The following SIPA1L3 variants were observed in gnomAD, a reference collection of about 807,000 sequenced individuals.
The protein encoded by SIPA1L3 is signal-induced proliferation-associated 1-like protein 3.
SIPA1L3 carries 59 observed loss-of-function variants against 150.1 expected under a neutral mutation model. The ratio of observed to expected loss-of-function variants is 0.39; its 90% CI spans 0.32 to 0.49. SIPA1L3 has a LOEUF of 0.49. Ranked by LOEUF, SIPA1L3 falls within the 20% of genes least tolerant of loss-of-function variation. The pLI is 0.86. For missense variants in SIPA1L3, 2,211 were observed against 2,489.5 expected (o/e 0.89, Z 2.38); for synonymous variants, 1,070 against 1,077.6 (o/e 0.99, Z 0.14).
intron 1 of SIPA1L3, among the ~76,000 whole-genome samples, chr19:37,994,620 G>A (rs1402825259): frequency 6.6e-6 from 1 of 152,206 alleles, no homozygotes; most frequent in Non-Finnish European, 1.5e-5. Context: ...TATACCAAGT[G>A]TTTATCGCTA....
At chr19:38,194,822 G>T (rs529892797) in intron 18 of SIPA1L3, among the ~76,000 whole-genome samples, 1 of 152,170 alleles carries the variant, frequency 6.6e-6, no homozygotes, top group Admixed American at 6.5e-5. Flanking sequence ...AGGCCGAGGC[G>T]GGTGGATCAC....
At chr19:37,948,364 G>C (rs2046731275) in intron 1 of SIPA1L3, among the ~76,000 whole-genome samples, 1 of 152,086 alleles carries the variant, frequency 6.6e-6, no homozygotes, top group Non-Finnish European at 1.5e-5. Flanking sequence ...TACTCGAGAG[G>C]CTGAGGTGGG....
chr19:38,184,046 T>A (rs1411745241), intron 16 of SIPA1L3, among the ~76,000 whole-genome samples: 3 of 152,114 alleles, frequency 2.0e-5, no homozygotes, highest in African/African-American at 7.2e-5. Context: ...GTTTTGTTTT[T>A]CAGTCGGAGG....
Position 38,046,477 on chromosome 19 carries a change from C to A in SIPA1L3, c.-311+17321C>A, listed in dbSNP as rs192499345. On this transcript the variant is annotated intron_variant, in intron 2 of 21. Coordinates refer to ENST00000222345, the MANE Select transcript of SIPA1L3 (RefSeq NM_015073.3). The surrounding 1 kb of genome is among the most constrained non-coding windows in gnomAD (Gnocchi z 5.6). ...CTCATGCCGATCAACGTGCTTCTCT[C>A]GGTTCCCTGTTCTGGGCCCTGCCCT... 8.9e-4 allele frequency among the ~76,000 whole-genome samples: 136 copies of A among 152,256 alleles called. 1 individual carries two copies. Among genetic ancestry groups the A allele is most frequent in the Admixed American group, 8.6e-3 (132 of 15,278 alleles).
rs116825025 is a variant in SIPA1L3, at chr19:38,197,672, G to A, written c.4841-717G>A. Among the ~76,000 whole-genome samples the A allele has an allele frequency of 8.7e-3, 1,305 of 150,438 alleles. 27 individuals are homozygous for A. The highest frequency in any genetic ancestry group is 0.03 in the African/African-American group (1,242 of 40,892). On this transcript the variant is annotated intron_variant, in intron 18 of 21. Transcript: ENST00000222345. Reference sequence around the variant, plus strand: ...TCTGATCCCCCACCCCAGCCTTCCCGATCAGAGCCGCAATCCTGGCCCTTC... The same window carrying A: ...TCTGATCCCCCACCCCAGCCTTCCCAATCAGAGCCGCAATCCTGGCCCTTC...
At chr19:38,181,947 C>G (rs1243013231) in intron 15 of SIPA1L3, among the ~76,000 whole-genome samples, 1 of 151,234 alleles carries the variant, frequency 6.6e-6, no homozygotes, top group East Asian at 1.9e-4. Context: ...AGCCCAGGAG[C>G]TCAAGACCAG....
intron 2 of SIPA1L3, among the ~76,000 whole-genome samples, chr19:38,052,822 T>C (rs7249241): frequency 0.41 from 61,504 of 151,838 alleles, 14,013 homozygotes; most frequent in African/African-American, 0.62. Flanking sequence ...GCCGGAGGAG[T>C]CCCCTCCAAG....
intron 1 of SIPA1L3, among the ~76,000 whole-genome samples, chr19:37,946,380 C>T (rs903421377): frequency 4.6e-5 from 7 of 152,040 alleles, no homozygotes; most frequent in Admixed American, 6.6e-5. Context: ...CGATCCTCCC[C>T]CATCGGCCTC....
chr19:37,951,535 A>G (rs2046763718), intron 1 of SIPA1L3, among the ~76,000 whole-genome samples: 1 of 152,042 alleles, frequency 6.6e-6, no homozygotes. Context: ...TTCCTCTTTA[A>G]ACTTTTGTAT....
chr19:38,198,275 T>C, intron 18 of SIPA1L3, 114 bp from the exon 19 acceptor site: 1 of 1,246,386 alleles, frequency 8.0e-7, no homozygotes, highest in Non-Finnish European at 1.1e-6. Context: ...CTTACCCTGC[T>C]GGAGGTTTTC....
rs140261372 is a variant in SIPA1L3, at chr19:37,949,579, C to T, written c.-379+42221C>T. On this transcript the variant is annotated intron_variant, in intron 1 of 21. Transcript: ENST00000222345. ...ATTCCGGAGATTGAGGCAGGAGAATCGCTTGAACCTGGGAAGCGGAGGTTG... is the reference window on the plus strand; with the variant it reads ...ATTCCGGAGATTGAGGCAGGAGAATTGCTTGAACCTGGGAAGCGGAGGTTG... 8.6e-3 allele frequency among the ~76,000 whole-genome samples: 1,300 copies of T among 152,010 alleles called. 8 individuals carry two copies. Among genetic ancestry groups the T allele is most frequent in the Non-Finnish European group, 0.014 (935 of 67,974 alleles).
intron 15 of SIPA1L3, among the ~76,000 whole-genome samples, chr19:38,165,991 G>C (rs904811363): frequency 1.3e-5 from 2 of 152,032 alleles, no homozygotes; most frequent in African/African-American, 4.8e-5. Context: ...TCAAACTCCT[G>C]ACCTAAAGGG....
At chr19:37,996,364 T>C (rs982031211) in intron 1 of SIPA1L3, among the ~76,000 whole-genome samples, 1 of 152,230 alleles carries the variant, frequency 6.6e-6, no homozygotes, top group Admixed American at 6.5e-5. Flanking sequence ...TATCTGGATT[T>C]ACAGGCGGGA....
chr19:37,994,015 C>T (rs1967575388), intron 1 of SIPA1L3, among the ~76,000 whole-genome samples: 1 of 152,150 alleles, frequency 6.6e-6, no homozygotes, highest in Admixed American at 6.5e-5. Flanking sequence ...CTATTTCAGC[C>T]TTCCAAGAAG....
At chr19:38,017,474 C>T (rs917722422) in intron 1 of SIPA1L3, among the ~76,000 whole-genome samples, 1 of 151,902 alleles carries the variant, frequency 6.6e-6, no homozygotes, top group Admixed American at 6.6e-5. Flanking sequence ...TCCTTTCCTT[C>T]CACTGTCCTC....
intron 2 of SIPA1L3, among the ~76,000 whole-genome samples, chr19:38,034,386 G>A (rs1278976142): frequency 2.6e-5 from 4 of 152,284 alleles, no homozygotes; most frequent in African/African-American, 9.6e-5. Context: ...TATCCCCATG[G>A]TAATGATGAG....
At chr19:38,025,225 C>T (rs1006988872) in intron 1 of SIPA1L3, among the ~76,000 whole-genome samples, 16 of 152,342 alleles carry the variant, frequency 1.1e-4, no homozygotes, top group Admixed American at 5.2e-4. Context: ...GGACGCCTTT[C>T]CCCCTTACAT....
intron 8 of SIPA1L3, among the ~76,000 whole-genome samples, chr19:38,119,038 TAAAC>T (rs1970955517): frequency 6.6e-6 from 1 of 151,776 alleles, no homozygotes; most frequent in Admixed American, 6.6e-5. Flanking sequence ...CTACAAAAAA[TAAAC>T]AAAATTGGCT....
chr19:37,983,704 G>A (rs530061694), intron 1 of SIPA1L3, among the ~76,000 whole-genome samples: 4 of 152,068 alleles, frequency 2.6e-5, no homozygotes, highest in East Asian at 1.9e-4. Context: ...TTAGGAGTTC[G>A]AGACCATCCT....
Sources: gnomAD v4.1 joint callset for allele counts (sites outside exome capture counted in the v4.1 genomes callset) on GRCh38, gnomAD v4.1.1 for gene constraint, Gnocchi (gnomAD v3.1) non-coding constraint, MANE v1.5 for transcripts, NCBI Gene and HGNC (gene_info 2026-07-23, HGNC 2026-07-21) for gene names.